Variants in ARHGAP15 observed in about 807,000 individuals in gnomAD.
ARHGAP15 encodes Rho GTPase activating protein 15.
ARHGAP15 carries 51 observed loss-of-function variants against 63.7 expected under a neutral mutation model. The observed-to-expected ratio is 0.80, with a 90% CI of 0.64 to 1.01. ARHGAP15 has a LOEUF of 1.01. Ranked by LOEUF, ARHGAP15 falls within the 50% of genes least tolerant of loss-of-function variation. The pLI is 0.00. For missense variants in ARHGAP15, 560 were observed against 564.6 expected, an observed-to-expected ratio of 0.99 and a Z score of 0.08; for synonymous variants, 191 against 193.8, an observed-to-expected ratio of 0.99 and a Z score of 0.12.
chr2:143,277,009 T>G (rs912974565), intron 6 of ARHGAP15, among the ~76,000 whole-genome samples: 1 of 152,286 alleles, frequency 6.6e-6, no homozygotes, highest in East Asian at 1.9e-4. Context: ...TTATCATCTT[T>G]CTATGCACTG....
At chr2:143,555,450 T>C (rs1695743501) in intron 10 of ARHGAP15, among the ~76,000 whole-genome samples, 1 of 152,158 alleles carries the variant, frequency 6.6e-6, no homozygotes, top group Admixed American at 6.6e-5. Context: ...CATCAAAGAA[T>C]ATACATTCTT....
At chr2:143,373,645 A>AC (rs1686669915) in intron 6 of ARHGAP15, among the ~76,000 whole-genome samples, 2 of 149,736 alleles carry the variant, frequency 1.3e-5, no homozygotes, top group Admixed American at 1.3e-4. Flanking sequence ...AAAAAAAAAA[A>AC]AAAAAAAAAA....
intron 13 of ARHGAP15, among the ~76,000 whole-genome samples, chr2:143,734,968 C>G (rs1423101268): frequency 2.0e-5 from 3 of 152,306 alleles, no homozygotes; most frequent in African/African-American, 7.2e-5. Flanking sequence ...CGTGTCCTCT[C>G]TCTTAATCAA....
chr2:143,170,975 A>T (rs1690754714), intron 2 of ARHGAP15, among the ~76,000 whole-genome samples: 1 of 152,148 alleles, frequency 6.6e-6, no homozygotes, highest in Non-Finnish European at 1.5e-5. Flanking sequence ...GTACTTTAAA[A>T]GGTTTAGAAT....
intron 12 of ARHGAP15, among the ~76,000 whole-genome samples, chr2:143,677,022 A>G (rs566846221): frequency 6.6e-6 from 1 of 152,362 alleles, no homozygotes; most frequent in African/African-American, 2.4e-5. Flanking sequence ...CCTCAATTTT[A>G]CTTCAAAAAA....
At chr2:143,484,927 A>G (rs897294128) in intron 8 of ARHGAP15, among the ~76,000 whole-genome samples, 3 of 146,906 alleles carry the variant, frequency 2.0e-5, no homozygotes, top group Non-Finnish European at 4.5e-5. Context: ...ATACTTGTAT[A>G]ACACACTGGT....
chr2:143,161,592 G>A (rs572371135), intron 2 of ARHGAP15, among the ~76,000 whole-genome samples: 2 of 152,032 alleles, frequency 1.3e-5, no homozygotes, highest in South Asian at 4.1e-4. Context: ...GGATAAAATA[G>A]CTCCTTCTCA....
At chr2:143,150,827 G>T (rs1405616854) in intron 1 of ARHGAP15, among the ~76,000 whole-genome samples, 1 of 151,934 alleles carries the variant, frequency 6.6e-6, no homozygotes, top group Non-Finnish European at 1.5e-5. Flanking sequence ...AGTGGGTAAC[G>T]TGTTCTAGGA....
intron 6 of ARHGAP15, among the ~76,000 whole-genome samples, chr2:143,251,676 TGA>T (rs953530485): frequency 6.6e-6 from 1 of 151,746 alleles, no homozygotes; most frequent in Admixed American, 6.6e-5. Context: ...AACAAGAAAG[TGA>T]GAGAATATAT....
intron 9 of ARHGAP15, among the ~76,000 whole-genome samples, chr2:143,488,803 A>T (rs1242133594): frequency 6.6e-6 from 1 of 152,246 alleles, no homozygotes; most frequent in African/African-American, 2.4e-5. Flanking sequence ...GTGAAATTTC[A>T]TGAAGCAAAA....
chr2:143,764,236 G>A (rs1017667845), intron 13 of ARHGAP15, among the ~76,000 whole-genome samples: 2 of 152,026 alleles, frequency 1.3e-5, no homozygotes, highest in African/African-American at 4.8e-5. Context: ...ATTTGCATTC[G>A]CAGAAATTCA....
At chr2:143,584,764 T>C (rs1342932667) in intron 11 of ARHGAP15, among the ~76,000 whole-genome samples, 1 of 152,190 alleles carries the variant, frequency 6.6e-6, no homozygotes, top group Non-Finnish European at 1.5e-5. Flanking sequence ...GCAAAAATAA[T>C]TGCAGTTTGG....
At chr2:143,286,110 A>G (rs1181050252) in intron 6 of ARHGAP15, among the ~76,000 whole-genome samples, 2 of 152,192 alleles carry the variant, frequency 1.3e-5, no homozygotes, top group African/African-American at 2.4e-5. Flanking sequence ...TTCTGTCTGT[A>G]TTTGAGTTTA....
intron 8 of ARHGAP15, among the ~76,000 whole-genome samples, chr2:143,439,842 A>T (rs1304952460): frequency 1.3e-5 from 2 of 152,172 alleles, no homozygotes; most frequent in East Asian, 3.8e-4. Context: ...GGATAGAAAT[A>T]TTATGTTAAA....
intron 6 of ARHGAP15, among the ~76,000 whole-genome samples, chr2:143,413,780 T>C (rs1346254793): frequency 6.6e-6 from 1 of 152,254 alleles, no homozygotes; most frequent in East Asian, 1.9e-4. Context: ...AGCGTACTCA[T>C]AGCTTTTCAA....
At chr2:143,484,238 C>T (rs1692207076) in intron 8 of ARHGAP15, among the ~76,000 whole-genome samples, 1 of 152,004 alleles carries the variant, frequency 6.6e-6, no homozygotes, top group African/African-American at 2.4e-5. Flanking sequence ...TGGTGGTGTT[C>T]ACCTGTACTC....
At chr2:143,594,128 A>G (rs888783679) in intron 11 of ARHGAP15, among the ~76,000 whole-genome samples, 4 of 152,126 alleles carry the variant, frequency 2.6e-5, no homozygotes, top group African/African-American at 4.8e-5. Flanking sequence ...AGGAGGAAAA[A>G]AGAGCCTTTA....
chr2:143,290,665 GTT>G (rs949319683), intron 6 of ARHGAP15, among the ~76,000 whole-genome samples: 1 of 151,986 alleles, frequency 6.6e-6, no homozygotes, highest in Non-Finnish European at 1.5e-5. Context: ...AGTTGCAACC[GTT>G]TTTTTGACAT....
At chr2:143,520,205 A>T (rs1421747400) in intron 10 of ARHGAP15, among the ~76,000 whole-genome samples, 1 of 152,190 alleles carries the variant, frequency 6.6e-6, no homozygotes, top group Non-Finnish European at 1.5e-5. Context: ...ACCTATTCCC[A>T]TTTCCAGCTC....
Sources: gnomAD v4.1 joint callset for allele counts (sites outside exome capture counted in the v4.1 genomes callset) on GRCh38, gnomAD v4.1.1 for gene constraint, MANE v1.5 for transcripts, NCBI Gene and HGNC (gene_info 2026-07-23, HGNC 2026-07-21) for gene names.